OR52N4: variants seen among roughly 807,000 people sequenced by gnomAD.
The protein encoded by OR52N4 is olfactory receptor family 52 subfamily N member 4, also known as olfactory receptor 52N4.
In OR52N4, 15 loss-of-function variants were observed where a neutral mutation model predicts 15.0. The observed-to-expected ratio is 1.00, with a 90% confidence interval of 0.67 to 1.54. The LOEUF is 1.54. Ranked by LOEUF, OR52N4 falls within the 40% of genes most tolerant of loss-of-function variation. The pLI is 0.00. For missense variants in OR52N4, 421 were observed against 394.0 expected (o/e 1.07, Z -0.58); for synonymous variants, 143 against 143.7 (o/e 1.00, Z 0.03).
chr11:5,753,530 G>T (rs147111513), upstream of OR52N4, among the ~76,000 whole-genome samples: 2 of 152,138 alleles, frequency 1.3e-5, no homozygotes, highest in Middle Eastern at 3.4e-3. Flanking sequence ...ATATCTTCTA[G>T]TTTGCGTTGA....
At chr11:5,727,562 A>G in the OR52N4 span, 6 of 152,178 alleles carry the variant, frequency 3.9e-5, no homozygotes, top group Admixed American at 6.5e-5. Flanking sequence ...AGAGGGGGAT[A>G]ATGTCTTCTG....
At chr11:5,736,686 T>TCC in the OR52N4 span, 8 of 1,613,924 alleles carry the variant, frequency 5.0e-6, no homozygotes, top group South Asian at 6.6e-5. Flanking sequence ...ATCCTCATCA[T>TCC]CATCTGGCAG....
rs532428716 is a variant in OR52N4 at position 5,755,489 on chromosome 11, T to C, written c.749T>C (p.Ile250Thr). ...FNTCTAHICA[I>T]VFSYTPAFFS... ...ACCTGCACTGCCCACATTTGTGCCATTGTTTTCTCCTATACTCCAGCTTTC... is the reference window on the plus strand; with the variant it reads ...ACCTGCACTGCCCACATTTGTGCCACTGTTTTCTCCTATACTCCAGCTTTC... The change falls in exon 2 of 2, where the codon ATT becomes ACT. Residue 250 changes from isoleucine (I) to threonine (T), a missense_variant. Physicochemically the swap from Ile to Thr is moderately conservative, Grantham distance 89 (BLOSUM62 -1). Transcript: ENST00000641350. 8.1e-6 allele frequency: 13 copies of C among 1,613,986 alleles called. No homozygotes were observed. In the East Asian group the frequency reaches 1.1e-4, roughly 14 times the overall value.
At chr11:5,730,876 TC>T in the OR52N4 span, among the ~76,000 whole-genome samples, 1 of 151,776 alleles carries the variant, frequency 6.6e-6, no homozygotes, top group Admixed American at 6.6e-5. Flanking sequence ...TTTGTTTCTT[TC>T]AATTATGACC....
At chr11:5,738,536 C>T in the OR52N4 span, 1 of 151,932 alleles carries the variant, frequency 6.6e-6, no homozygotes. Flanking sequence ...TTTCTTTGTG[C>T]CTTTTTTTTT....
At chr11:5,749,310 T>C (rs549784350), upstream of OR52N4, among the ~76,000 whole-genome samples, 1 of 152,020 alleles carries the variant, frequency 6.6e-6, no homozygotes, top group African/African-American at 2.4e-5. Flanking sequence ...ATATCTCAGT[T>C]GTTTATCATT....
the OR52N4 span, chr11:5,737,131 C>T: frequency 6.2e-7 from 1 of 1,613,964 alleles, no homozygotes; most frequent in Non-Finnish European, 8.5e-7. Context: ...GGCCAAACAG[C>T]ATTTGCCAGT....
chr11:5,755,034 A>G lies in OR52N4; in HGVS notation c.294A>G (p.Glu98=), dbSNP rs1854271470. The change falls in exon 2 of 2, where the codon GAA becomes GAG. Residue 98 remains glutamate, a synonymous_variant. Transcript: ENST00000641350. ...ATCTCAAGGACATTGGATTTGATGA[A>G]TGCCTTGTCCAGATGTTCTTCACCC... ...WFHLKDIGFD[E]CLVQMFFTHT... The G allele has an allele frequency of 6.2e-7, 1 of 1,613,902 alleles. No homozygotes were observed. Among genetic ancestry groups the G allele is most frequent in the African/African-American group, 1.3e-5 (1 of 74,902 alleles).
the OR52N4 span, chr11:5,737,432 G>A: frequency 1.2e-6 from 2 of 1,613,912 alleles, no homozygotes; most frequent in Non-Finnish European, 1.7e-6. Context: ...TCAGACCAAA[G>A]AACTTAGGGC....
chr11:5,734,697 A>C, the OR52N4 span, among the ~76,000 whole-genome samples: 1 of 152,148 alleles, frequency 6.6e-6, no homozygotes, highest in Non-Finnish European at 1.5e-5. Context: ...ATGTAAAGTA[A>C]TAAATGAGTA....
the OR52N4 span, among the ~76,000 whole-genome samples, chr11:5,732,652 C>T: frequency 8.5e-5 from 13 of 152,118 alleles, no homozygotes; most frequent in Non-Finnish European, 4.4e-5. Context: ...CATGCTAGAC[C>T]ACCTTCTTTC....
chr11:5,744,310 C>G, the OR52N4 span, among the ~76,000 whole-genome samples: 1 of 152,150 alleles, frequency 6.6e-6, no homozygotes, highest in Non-Finnish European at 1.5e-5. Context: ...CATACTGACA[C>G]TGTTTCAAAA....
chr11:5,747,553 C>T, the OR52N4 span, among the ~76,000 whole-genome samples: 52,433 of 151,230 alleles, frequency 0.35, 9,407 homozygotes, highest in East Asian at 0.49. Flanking sequence ...TTCAAAACAT[C>T]GTGTTGTACA....
the OR52N4 span, among the ~76,000 whole-genome samples, chr11:5,727,902 C>T: frequency 2.6e-5 from 4 of 152,114 alleles, no homozygotes; most frequent in Admixed American, 6.5e-5. Flanking sequence ...TAGTTAAAGC[C>T]GCAAAAAATT....
At chr11:5,740,346 C>G in the OR52N4 span, among the ~76,000 whole-genome samples, 1 of 127,098 alleles carries the variant, frequency 7.9e-6, no homozygotes, top group East Asian at 2.7e-4. Flanking sequence ...ATAGTGGAGT[C>G]GACTGATTAC....
the OR52N4 span, among the ~76,000 whole-genome samples, chr11:5,741,256 A>G: frequency 6.6e-6 from 1 of 152,228 alleles, no homozygotes; most frequent in Non-Finnish European, 1.5e-5. Context: ...AGCTTAATCA[A>G]GAGGATAAGA....
At chr11:5,746,560 C>T in the OR52N4 span, among the ~76,000 whole-genome samples, 3 of 152,074 alleles carry the variant, frequency 2.0e-5, no homozygotes, top group Non-Finnish European at 4.4e-5. Context: ...TGCAAAAATA[C>T]TGAATATTGC....
chr11:5,737,292 T>C, the OR52N4 span: 5 of 1,614,166 alleles, frequency 3.1e-6, no homozygotes, highest in Non-Finnish European at 4.2e-6. Flanking sequence ...CTCATCCTTT[T>C]CTTTTACACT....
chr11:5,744,903 AGAGT>A, the OR52N4 span, among the ~76,000 whole-genome samples: 1 of 152,214 alleles, frequency 6.6e-6, no homozygotes, highest in Non-Finnish European at 1.5e-5. Flanking sequence ...CCTGCACAAC[AGAGT>A]GAGACTCCAT....
Sources: allele counts gnomAD v4.1 joint callset (sites outside exome capture counted in the v4.1 genomes callset), GRCh38; gene constraint gnomAD v4.1.1; transcripts MANE v1.5; gene names NCBI Gene and HGNC (gene_info 2026-07-23, HGNC 2026-07-21).